FBXO31: variants seen among roughly 807,000 people sequenced by gnomAD.
FBXO31 encodes F-box protein 31, also known as F-box only protein 31.
A neutral mutation model predicts 54.4 loss-of-function variants in FBXO31; 24 were observed. That is an observed-to-expected ratio of 0.44 (90% confidence interval 0.32 to 0.62). FBXO31 has a LOEUF of 0.62. Ranked by LOEUF, FBXO31 falls within the 20% of genes least tolerant of loss-of-function variation. The pLI is 0.05. For synonymous variants in FBXO31, 388 were observed against 335.6 expected (o/e 1.16, Z -1.71); for missense variants, 665 against 787.1 (o/e 0.84, Z 1.86).
chr16:87,365,931 G>A (rs1906348519), intron 1 of FBXO31, among the ~76,000 whole-genome samples: 1 of 152,168 alleles, frequency 6.6e-6, no homozygotes, highest in Admixed American at 6.5e-5. Flanking sequence ...AGGAGGCTGA[G>A]GCAGAAGAAT....
At chr16:87,332,375 A>G (rs1463782543) in intron 8 of FBXO31, among the ~76,000 whole-genome samples, 1 of 152,212 alleles carries the variant, frequency 6.6e-6, no homozygotes, top group Non-Finnish European at 1.5e-5. Context: ...TTAGCTGGGG[A>G]CGGAGGCTGG....
At position 87,331,180 on chromosome 16, in the gene FBXO31, G is replaced by A; in HGVS notation, c.*108C>T. 3.6e-6 allele frequency: 4 copies of A among 1,097,084 alleles called. No homozygotes were observed. Among genetic ancestry groups the A allele is most frequent in the South Asian group, 1.5e-5 (1 of 67,694 alleles). 68.0% of individuals were successfully genotyped at this position (1,097,084 alleles called of 1,614,324 possible). A position where few individuals can be genotyped will look rare whatever the true frequency, so the allele number is the denominator to read the frequency against. On this transcript the variant is annotated 3_prime_UTR_variant, in exon 9 of 9. Transcript: ENST00000311635. The stretch of plus-strand genomic sequence containing the variant: ...TGGACTGGGCCCCCCGACGAGGTGT[G>A]CGTTCTGGTCAAAAGGCCGGATTTC...
upstream of FBXO31, among the ~76,000 whole-genome samples, chr16:87,385,726 C>T (rs1159509155): frequency 6.6e-6 from 1 of 151,544 alleles, no homozygotes; most frequent in East Asian, 1.9e-4. Flanking sequence ...AAAAGGATAG[C>T]GGCCAGGCCT....
chr16:87,365,992 G>A (rs993885742), intron 1 of FBXO31, among the ~76,000 whole-genome samples: 1 of 152,172 alleles, frequency 6.6e-6, no homozygotes, highest in Non-Finnish European at 1.5e-5. Context: ...TTGCGCCACT[G>A]CACTCCAGCC....
Position 87,334,196 on chromosome 16 carries a change from A to G in FBXO31, c.1087T>C (p.Phe363Leu), listed in dbSNP as rs201985742. 8.7e-6 allele frequency: 14 copies of G among 1,612,576 alleles called. No individual in the cohort carries two copies. Among genetic ancestry groups the G allele is most frequent in the Non-Finnish European group, 1.2e-5 (14 of 1,179,674 alleles). ...QLPDLENQRNFNELSRIVLEV... is the reference protein window; with the variant it reads ...QLPDLENQRNLNELSRIVLEV... ...AGGACGATGCGGGAGAGCTCATTGAAGTTGCGCTGGTTCTCGAGGTCGGGC... is the reference window on the plus strand; with the variant it reads ...AGGACGATGCGGGAGAGCTCATTGAGGTTGCGCTGGTTCTCGAGGTCGGGC... Residue 363 changes from phenylalanine (F) to leucine (L), a missense_variant, in exon 8 of 9, where the codon TTC becomes CTC. Phe to Leu is a conservative substitution (Grantham distance 22). Coordinates refer to ENST00000311635, the MANE Select transcript of FBXO31 (RefSeq NM_024735.5).
intron 8 of FBXO31, among the ~76,000 whole-genome samples, chr16:87,332,377 G>A (rs547643018): frequency 5.1e-4 from 78 of 152,348 alleles, no homozygotes; most frequent in African/African-American, 6.7e-4. Flanking sequence ...AGCTGGGGAC[G>A]GAGGCTGGAC....
At chr16:87,354,388 T>C (rs950393193) in intron 2 of FBXO31, among the ~76,000 whole-genome samples, 2 of 152,042 alleles carry the variant, frequency 1.3e-5, no homozygotes, top group Admixed American at 6.6e-5. Context: ...GTCAGTCATC[T>C]GAGCCCGGGG....
Position 87,362,929 on chromosome 16 carries a change from C to A in FBXO31, c.341-2563G>T, listed in dbSNP as rs529876392. Among the ~76,000 whole-genome samples, 4 of 152,276 alleles carry A rather than the reference C, an allele frequency of 2.6e-5. No individual in the cohort carries two copies. The East Asian group carries it at 7.7e-4, about 29-fold the overall frequency. On this transcript the variant is annotated intron_variant, in intron 1 of 8. Transcript: ENST00000311635. ...GAGTCAGGGACCCCTGTCTTTACTA[C>A]AAACAGGCCTGGGGACCAGGACCTT... is the stretch of plus-strand genomic sequence containing the variant.
At chr16:87,384,704 G>C (rs1305532312), upstream of FBXO31, among the ~76,000 whole-genome samples, 5 of 152,178 alleles carry the variant, frequency 3.3e-5, no homozygotes, top group African/African-American at 4.8e-5. Flanking sequence ...GCTCGAGACC[G>C]GCCTGGGCAA....
At chr16:87,359,091 C>G (rs959384254) in intron 2 of FBXO31, among the ~76,000 whole-genome samples, 1 of 152,184 alleles carries the variant, frequency 6.6e-6, no homozygotes, top group Non-Finnish European at 1.5e-5. Flanking sequence ...ACAGTTGCTG[C>G]GCTGTGAAAA....
chr16:87,355,848 C>T (rs958526863), intron 2 of FBXO31, among the ~76,000 whole-genome samples: 5 of 152,230 alleles, frequency 3.3e-5, no homozygotes, highest in African/African-American at 1.2e-4. Flanking sequence ...CAGTGCAACT[C>T]TGAAGACTCG....
chr16:87,362,667 T>C (rs1906188373), intron 1 of FBXO31: 1 of 152,396 alleles, frequency 6.6e-6, no homozygotes, highest in African/African-American at 2.4e-5. Flanking sequence ...TTCAAGCGAT[T>C]CTCCTGCCTC....
At chr16:87,363,670 G>C (rs1338772629) in intron 1 of FBXO31, among the ~76,000 whole-genome samples, 1 of 152,190 alleles carries the variant, frequency 6.6e-6, no homozygotes, top group African/African-American at 2.4e-5. Flanking sequence ...TTGCTACATG[G>C]TTAAGTGCTA....
At chr16:87,366,222 A>C (rs997138657) in intron 1 of FBXO31, among the ~76,000 whole-genome samples, 1 of 152,198 alleles carries the variant, frequency 6.6e-6, no homozygotes, top group Non-Finnish European at 1.5e-5. Flanking sequence ...GGTTAATCAT[A>C]ACACATCATT....
At position 87,336,323 on chromosome 16, in the gene FBXO31, C is replaced by T. The variant is rs1905045367; in HGVS notation, c.733-59G>A. ...TGACAGGAGGCTGTGAAGAGGCTGC[C>T]GGCTGTGCCGCTGAGAGGACACAGT... On this transcript the variant is annotated intron_variant, in intron 5 of 8. Coordinates refer to ENST00000311635, the MANE Select transcript of FBXO31 (RefSeq NM_024735.5). This position sits in a 1 kb window ranked among gnomAD's most constrained non-coding sequence, Gnocchi z 6.5. 7 of 1,490,892 alleles carry T rather than the reference C, an allele frequency of 4.7e-6. No individual in the cohort carries two copies. The highest frequency in any genetic ancestry group is 6.5e-6 in the Non-Finnish European group (7 of 1,073,284). 92.4% of individuals were successfully genotyped at this position (1,490,892 alleles called of 1,614,324 possible).
chr16:87,372,628 G>A (rs544255090), intron 1 of FBXO31, among the ~76,000 whole-genome samples: 3 of 151,872 alleles, frequency 2.0e-5, no homozygotes, highest in South Asian at 4.2e-4. Flanking sequence ...TGGTAAGATC[G>A]CAGGTCACTG....
At position 87,347,256 on chromosome 16, in the gene FBXO31, G is replaced by A. The variant is rs756182704; in HGVS notation, c.413-6C>T. 7.4e-6 allele frequency: 12 copies of A among 1,613,880 alleles called. No individual in the cohort carries two copies. Among genetic ancestry groups the A allele is most frequent in the East Asian group, 2.2e-5 (1 of 44,880 alleles). On this transcript the variant is annotated splice_region_variant and splice_polypyrimidine_tract_variant and intron_variant, in intron 2 of 8. Coordinates refer to ENST00000311635, the MANE Select transcript of FBXO31 (RefSeq NM_024735.5). ...GTGTCTATATCGGTGAAGCACTACA[G>A]GAGGAGAGAAAGAGCAAGTCTCTGT...
chr16:87,376,629 C>T (rs1328453692), intron 1 of FBXO31, among the ~76,000 whole-genome samples: 1 of 152,180 alleles, frequency 6.6e-6, no homozygotes, highest in Non-Finnish European at 1.5e-5. Context: ...AAAATAAACA[C>T]AGAAAGCAGA....
In FBXO31 at chr16:87,336,208, G is replaced by A. The variant is rs375884594; in HGVS notation, c.789C>T (p.His263=). ...TCAGGATGAGCTCCTGCATGTGCTC[G>A]TGGAAGATGTCCTCCAGCGTGCGCC... ...EWGRTLEDIF[H]EHMQELILMK... is the part of the protein sequence containing the mutation. Residue 263 remains histidine, a synonymous_variant, in exon 6 of 9, where the codon CAC becomes CAT. Transcript: ENST00000311635. The surrounding 1 kb of genome is among the most constrained non-coding windows in gnomAD (Gnocchi z 6.5). The A allele has an allele frequency of 5.0e-5, 81 of 1,614,086 alleles. No homozygotes were observed. Among genetic ancestry groups the A allele is most frequent in the South Asian group, 2.0e-4 (18 of 91,086 alleles).
Sources: gnomAD v4.1 joint callset for allele counts (sites outside exome capture counted in the v4.1 genomes callset) on GRCh38, gnomAD v4.1.1 for gene constraint, Gnocchi (gnomAD v3.1) non-coding constraint, MANE v1.5 for transcripts, NCBI Gene and HGNC (gene_info 2026-07-23, HGNC 2026-07-21) for gene names.